HCFC2: variants seen among roughly 807,000 people sequenced by gnomAD.
The protein encoded by HCFC2 is host cell factor C2, also known as host cell factor 2.
A neutral mutation model predicts 89.2 loss-of-function variants in HCFC2; 18 were observed. The observed-to-expected ratio is 0.20, with a 90% CI of 0.14 to 0.30. The LOEUF (loss-of-function observed/expected upper bound fraction) is 0.30. HCFC2 is among the 10% of genes least tolerant of loss of function. The pLI is 1.00. For missense variants in HCFC2, 578 were observed against 956.1 expected (o/e 0.60, Z 5.21); for synonymous variants, 308 against 335.7 (o/e 0.92, Z 0.90).
chr12:104,098,501 T>G (rs757364578), intron 13 of HCFC2, 21 bp downstream of exon 13: 1 of 1,573,802 alleles, frequency 6.4e-7, no homozygotes, highest in South Asian at 1.2e-5. Context: ...ATATATTTTC[T>G]ACATTGTAAA....
chr12:104,072,120 C>T (rs1023123187), intron 3 of HCFC2, among the ~76,000 whole-genome samples: 1 of 152,150 alleles, frequency 6.6e-6, no homozygotes, highest in Non-Finnish European at 1.5e-5. Context: ...CGCCCATAAT[C>T]CCAGTACTTT....
chr12:104,072,802 C>G (rs892036135), intron 3 of HCFC2, among the ~76,000 whole-genome samples: 1 of 151,934 alleles, frequency 6.6e-6, no homozygotes, highest in Non-Finnish European at 1.5e-5. Context: ...GCCACCATGC[C>G]CAGCTAATTT....
rs1206307166 is a variant in HCFC2, at chr12:104,098,200, A to C, written c.1741-143A>C. On this transcript the variant is annotated intron_variant, in intron 12 of 14. Transcript: ENST00000229330. ...CACTGTCAGTTGACCTAATCTGTTA[A>C]GACTTTATTTACTTATGAGTTGTTA... The C allele has an allele frequency of 5.1e-6, 3 of 592,176 alleles. No homozygotes were observed. In the East Asian group the frequency reaches 9.1e-5, roughly 18 times the overall value. 36.7% of individuals were successfully genotyped at this position (592,176 alleles called of 1,614,324 possible).
At chr12:104,067,555 T>C (rs1214770885) in intron 2 of HCFC2, among the ~76,000 whole-genome samples, 1 of 152,248 alleles carries the variant, frequency 6.6e-6, no homozygotes, top group Non-Finnish European at 1.5e-5. Context: ...TAAATGAGCT[T>C]TATGTTTACC....
chr12:104,075,323 A>T (rs1416709444), intron 3 of HCFC2, among the ~76,000 whole-genome samples: 6 of 151,772 alleles, frequency 4.0e-5, no homozygotes, highest in Non-Finnish European at 8.8e-5. Flanking sequence ...GTCTAATCAG[A>T]CTTGCTAGTG....
At chr12:104,066,372 T>C (rs1883147125) in intron 2 of HCFC2, 57 bp downstream of exon 2, 2 of 1,363,636 alleles carry the variant, frequency 1.5e-6, no homozygotes, top group African/African-American at 1.5e-5. Flanking sequence ...TTGTTCATAA[T>C]TTTTCAAAAG....
rs1883139743 is a variant in HCFC2 at position 104,066,255 on chromosome 12, A to G, written c.252A>G (p.Ile84Met). 3.7e-6 allele frequency: 6 copies of G among 1,612,034 alleles called. No homozygotes were observed. The highest frequency in any genetic ancestry group is 5.1e-6 in the Non-Finnish European group (6 of 1,179,004). Residue 84 changes from isoleucine to methionine, a missense_variant, in exon 2 of 15, where the codon ATA becomes ATG. Around this residue, in one of 4 missense-constraint regions of HCFC2, gnomAD observed 206 missense variants for 419.2 expected, o/e 0.49. Transcript: ENST00000229330. ...GATTTGTCTGTGATGGTACCAGAAT[A>G]TTAGTATTTGGGGGAATGGTTGAAT... ...AHGFVCDGTRILVFGGMVEYG... is the reference protein window; with the variant it reads ...AHGFVCDGTRMLVFGGMVEYG...
chr12:104,092,143 T>A (rs1173753642), intron 9 of HCFC2, among the ~76,000 whole-genome samples: 2 of 152,232 alleles, frequency 1.3e-5, no homozygotes, highest in East Asian at 3.8e-4. Flanking sequence ...ATAACTGATA[T>A]TCACATTGAT....
intron 10 of HCFC2, 53 bp downstream of exon 10, chr12:104,093,616 T>A: frequency 6.9e-7 from 1 of 1,440,986 alleles, no homozygotes; most frequent in Non-Finnish European, 9.5e-7. Flanking sequence ...GTGGGGAATT[T>A]AATAGTCATT....
chr12:104,095,466 G>A lies in HCFC2; in HGVS notation c.1569G>A (p.Met523Ile), dbSNP rs1884148865. Residue 523 changes from methionine (M) to isoleucine (I), a missense_variant, in exon 11 of 15, where the codon ATG becomes ATA. Met to Ile is a conservative substitution (Grantham distance 10). Transcript: ENST00000229330. The surrounding 1 kb of genome is among the most constrained non-coding windows in gnomAD (Gnocchi z 4.2). ...VSSTVSSTQT[M>I]VTQQTIKTES... ...GTACTGTTTCCAGCACACAAACTAT[G>A]GTAACCCAGCAGACCATTAAAACTG... The A allele has an allele frequency of 6.2e-7, 1 of 1,613,694 alleles. No individual in the cohort carries two copies. The highest frequency in any genetic ancestry group is 8.5e-7 in the Non-Finnish European group (1 of 1,179,754).
intron 5 of HCFC2, 137 bp downstream of exon 5, chr12:104,080,967 A>G: frequency 1.8e-6 from 1 of 555,360 alleles, no homozygotes; most frequent in Non-Finnish European, 3.1e-6. Flanking sequence ...GACTGAAGCT[A>G]AAATAATTTG....
intron 3 of HCFC2, among the ~76,000 whole-genome samples, chr12:104,076,243 G>A (rs1883492427): frequency 6.6e-6 from 1 of 152,238 alleles, no homozygotes; most frequent in African/African-American, 2.4e-5. Context: ...AGCCTCCTGA[G>A]TAGCTGGGAG....
chr12:104,076,394 G>T (rs1343385226), intron 3 of HCFC2, among the ~76,000 whole-genome samples: 1 of 152,064 alleles, frequency 6.6e-6, no homozygotes, highest in Non-Finnish European at 1.5e-5. Context: ...TGTTTCTTGT[G>T]TATCTAATTT....
rs1445570511 is a variant in HCFC2 at position 104,068,381 on chromosome 12, C to T, written c.473+274C>T. Among the ~76,000 whole-genome samples, 1 of 152,104 alleles carries T rather than the reference C, an allele frequency of 6.6e-6. No individual in the cohort carries two copies. Among genetic ancestry groups the T allele is most frequent in the Non-Finnish European group, 1.5e-5 (1 of 68,032 alleles). ...TCTTATTAAATTAATATTAATGTAA[C>T]TGCTTGTATCAATATATTTGTATAT... On this transcript the variant is annotated intron_variant, in intron 3 of 14. Transcript: ENST00000229330. This position sits in a 1 kb window ranked among gnomAD's most constrained non-coding sequence, Gnocchi z 4.1.
Position 104,103,232 on chromosome 12 carries a change from C to T in HCFC2, c.2338C>T (p.Arg780Trp). ...GGGATATGGACCAGCTACACAAGTTCGGTGGCTTCAAGGTAACAATAAGAA... is the reference window on the plus strand; with the variant it reads ...GGGATATGGACCAGCTACACAAGTTTGGTGGCTTCAAGGTAACAATAAGAA... ...EKGYGPATQV[R>W]WLQGNNKKAP... is the part of the protein sequence containing the mutation. Residue 780 changes from arginine (R) to tryptophan (W), a missense_variant, in exon 15 of 15, where the codon CGG (arginine) becomes TGG (tryptophan). This residue lies in a region of HCFC2 where 140 missense variants were observed against 266.4 expected (regional missense o/e 0.53). Coordinates refer to ENST00000229330, the MANE Select transcript of HCFC2 (RefSeq NM_013320.3). The T allele has an allele frequency of 6.2e-7, 1 of 1,613,662 alleles. No homozygotes were observed. The highest frequency in any genetic ancestry group is 8.5e-7 in the Non-Finnish European group (1 of 1,179,646).
intron 3 of HCFC2, among the ~76,000 whole-genome samples, chr12:104,070,316 C>T (rs1326809943): frequency 6.6e-6 from 1 of 152,230 alleles, no homozygotes; most frequent in Non-Finnish European, 1.5e-5. Context: ...GCGTGAGCCA[C>T]TGCGCCCGGC....
intron 12 of HCFC2, among the ~76,000 whole-genome samples, chr12:104,096,903 G>A (rs1884194021): frequency 6.6e-6 from 1 of 152,228 alleles, no homozygotes; most frequent in Non-Finnish European, 1.5e-5. Context: ...AACTTGAATG[G>A]CTGTATTGCT....
chr12:104,082,461 A>C (rs775542033), intron 5 of HCFC2, 39 bp from the exon 6 acceptor site: 1 of 1,293,924 alleles, frequency 7.7e-7, no homozygotes, highest in East Asian at 2.3e-5. Flanking sequence ...AAGTAAAATG[A>C]AATAAGCTAC....
Position 104,087,029 on chromosome 12 carries a change from A to T in HCFC2, c.1231+15A>T. ...AAATATGCAAGGTAACATAATTTTCATGCTTAAAGTATGTGTGCTCACATG... is the reference window on the plus strand; with the variant it reads ...AAATATGCAAGGTAACATAATTTTCTTGCTTAAAGTATGTGTGCTCACATG... On this transcript the variant is annotated intron_variant, in intron 8 of 14. Coordinates refer to ENST00000229330, the MANE Select transcript of HCFC2 (RefSeq NM_013320.3). 1 of 1,612,172 alleles carries T rather than the reference A, an allele frequency of 6.2e-7. No individual in the cohort carries two copies. Among genetic ancestry groups the T allele is most frequent in the Non-Finnish European group, 8.5e-7 (1 of 1,178,700 alleles).
Sources: allele counts gnomAD v4.1 joint callset (sites outside exome capture counted in the v4.1 genomes callset), GRCh38; gene constraint gnomAD v4.1.1; regional missense constraint gnomAD v4.1.1; non-coding constraint Gnocchi (gnomAD v3.1); transcripts MANE v1.5; gene names NCBI Gene and HGNC (gene_info 2026-07-23, HGNC 2026-07-21).